AP1G1: variants seen among roughly 807,000 people sequenced by gnomAD.
AP1G1 encodes the protein adaptor related protein complex 1 subunit gamma 1, also known as AP-1 complex subunit gamma-1.
AP1G1 carries 7 observed loss-of-function variants against 108.3 expected under a neutral mutation model. The observed-to-expected ratio is 0.06, with a 90% CI of 0.04 to 0.12. AP1G1 has a LOEUF of 0.12. AP1G1 is among the 10% of genes least tolerant of loss of function. The probability of loss-of-function intolerance (pLI) is 1.00; values close to 1 mark genes in which losing one functional copy is unlikely to be tolerated. For synonymous variants in AP1G1, 379 were observed against 353.5 expected, an observed-to-expected ratio of 1.07 and a Z score of -0.81; for missense variants, 756 against 1,010.7, an observed-to-expected ratio of 0.75 and a Z score of 3.42.
At chr16:71,784,006 A>T (rs1383938861) in intron 2 of AP1G1, among the ~76,000 whole-genome samples, 1 of 152,186 alleles carries the variant, frequency 6.6e-6, no homozygotes, top group Non-Finnish European at 1.5e-5. Context: ...GGTTACACAC[A>T]CTACAGGAAA....
At chr16:71,764,944 C>T (rs930339772) in intron 7 of AP1G1, among the ~76,000 whole-genome samples, 5 of 152,150 alleles carry the variant, frequency 3.3e-5, no homozygotes, top group African/African-American at 1.2e-4. Flanking sequence ...TATTATAAAA[C>T]AACCCACACT....
intron 19 of AP1G1, among the ~76,000 whole-genome samples, chr16:71,744,840 T>C (rs2030088622): frequency 6.6e-6 from 1 of 152,156 alleles, no homozygotes; most frequent in Non-Finnish European, 1.5e-5. Context: ...CCTCCCAAAG[T>C]GCTGGGATTA....
intron 1 of AP1G1, among the ~76,000 whole-genome samples, chr16:71,801,654 G>A (rs372702896): frequency 2.6e-5 from 4 of 152,154 alleles, no homozygotes; most frequent in Admixed American, 6.5e-5. Flanking sequence ...GGCCGGGCGC[G>A]GTGGGTCACG....
intron 3 of AP1G1, 32 bp from the exon 4 acceptor site, chr16:71,773,394 C>G (rs2031648505): frequency 6.8e-7 from 1 of 1,470,312 alleles, no homozygotes; most frequent in Admixed American, 2.6e-5. Context: ...TAGGAACAAG[C>G]CTGGTGCTCC....
In AP1G1 at chr16:71,736,114, AAAAATATATATATATATATATAT is replaced by A. The variant is rs936397118; in HGVS notation, c.2269-1430_2269-1408del. Among the ~76,000 whole-genome samples the A allele has an allele frequency of 1.8e-4, 13 of 74,092 alleles. 1 individual carries two copies. Among genetic ancestry groups the A allele is most frequent in the Middle Eastern group, 8.5e-3 (1 of 118 alleles). 48.6% of individuals were successfully genotyped at this position (74,092 alleles called of 152,430 possible). A position where few individuals can be genotyped will look rare whatever the true frequency, so the allele number is the denominator to read the frequency against. On this transcript the variant is annotated intron_variant, in intron 21 of 22. Coordinates refer to ENST00000299980, the MANE Select transcript of AP1G1 (RefSeq NM_001128.6). ...ACTCCATCTCAAAAAAAAAAAAAAA[AAAAATATATATATATATATATAT>A]ATATATATATGGTCTTATTCATAAT...
intron 13 of AP1G1, among the ~76,000 whole-genome samples, chr16:71,752,773 T>A (rs1199945292): frequency 2.0e-5 from 3 of 152,152 alleles, no homozygotes; most frequent in Non-Finnish European, 4.4e-5. Context: ...ACTGCCTGTT[T>A]CTCTATTTTC....
At chr16:71,761,692 G>C in intron 9 of AP1G1, 125 bp from the exon 10 acceptor site, 1 of 712,274 alleles carries the variant, frequency 1.4e-6, no homozygotes, top group Non-Finnish European at 2.3e-6. Flanking sequence ...AAAAGGAGCT[G>C]GGTGCGGTGG....
At chr16:71,747,321 G>C (rs750754607) in intron 16 of AP1G1, 7 of 152,176 alleles carry the variant, frequency 4.6e-5, no homozygotes, top group Admixed American at 3.9e-4. Flanking sequence ...TTCCTATTAA[G>C]ACTTGTCAAA....
chr16:71,750,408 TG>T lies in AP1G1; in HGVS notation c.1285-77del, dbSNP rs577842312. 1.7e-3 allele frequency: 2,598 copies of T among 1,556,352 alleles called. 16 individuals are homozygous for T. Among genetic ancestry groups the T allele is most frequent in the Non-Finnish European group, 1.1e-3 (1,287 of 1,139,844 alleles). Reference sequence around the variant, plus strand: ...AACAAGTGTTAGCTATTATTATTACTGTGTGTTTTTTCCTTTCTTTTTTTGA... The same window carrying T: ...AACAAGTGTTAGCTATTATTATTACTTGTGTTTTTTCCTTTCTTTTTTTGA... On this transcript the variant is annotated intron_variant, in intron 13 of 22. Coordinates refer to ENST00000299980, the MANE Select transcript of AP1G1 (RefSeq NM_001128.6).
chr16:71,793,254 T>C (rs2032467691), intron 1 of AP1G1, among the ~76,000 whole-genome samples: 1 of 152,156 alleles, frequency 6.6e-6, no homozygotes, highest in East Asian at 1.9e-4. Flanking sequence ...GTAATGAAAC[T>C]ATACAGAACA....
intron 6 of AP1G1, among the ~76,000 whole-genome samples, chr16:71,767,716 T>C (rs1050678195): frequency 2.0e-5 from 3 of 152,174 alleles, no homozygotes; most frequent in Admixed American, 6.5e-5. Flanking sequence ...AAACAAAAAC[T>C]AGACTAGGAA....
intron 2 of AP1G1, among the ~76,000 whole-genome samples, chr16:71,787,422 T>C (rs1325754315): frequency 2.0e-5 from 3 of 151,744 alleles, no homozygotes; most frequent in Non-Finnish European, 2.9e-5. Context: ...GCCCAGTAGG[T>C]TGAGGTGACA....
chr16:71,777,530 G>C, intron 2 of AP1G1: 1 of 299,648 alleles, frequency 3.3e-6, no homozygotes, highest in Non-Finnish European at 7.0e-6. Flanking sequence ...GCGAAGAGTG[G>C]CTGGACTTGT....
rs746748251 is a variant in AP1G1, at chr16:71,745,592, G to A, written c.1753C>T (p.Pro585Ser). 1 of 1,614,026 alleles carries A rather than the reference G, an allele frequency of 6.2e-7. No individual in the cohort carries two copies. Among genetic ancestry groups the A allele is most frequent in the African/African-American group, 1.3e-5 (1 of 74,912 alleles). ...TTTGTGGTCACTTTTTCCATGACAG[G>A]CATTCTCTCAAGTAGGGCAGACCTA... ...HMRSALLERMPVMEKVTTNGP... is the reference protein window; with the variant it reads ...HMRSALLERMSVMEKVTTNGP... Residue 585 changes from proline (P) to serine (S), a missense_variant, in exon 18 of 23, where the codon CCT (proline) becomes TCT (serine). By Grantham distance (74) the Pro-to-Ser change is moderately conservative. Transcript: ENST00000299980.
chr16:71,765,385 A>T, intron 7 of AP1G1, 104 bp downstream of exon 7: 1 of 711,084 alleles, frequency 1.4e-6, no homozygotes. Context: ...TTAATCAATT[A>T]ACTACCAAAT....
At chr16:71,788,153 T>C (rs2032275848) in intron 2 of AP1G1, among the ~76,000 whole-genome samples, 1 of 152,186 alleles carries the variant, frequency 6.6e-6, no homozygotes, top group African/African-American at 2.4e-5. Context: ...TGTTTTAACT[T>C]GGGGGCAGGA....
chr16:71,767,638 G>A (rs2031370264), intron 6 of AP1G1, among the ~76,000 whole-genome samples: 1 of 152,120 alleles, frequency 6.6e-6, no homozygotes, highest in Admixed American at 6.6e-5. Flanking sequence ...AGAGAAGAAG[G>A]CTTACAACTC....
At position 71,784,787 on chromosome 16, in the gene AP1G1, G is replaced by T. The variant is rs113729036; in HGVS notation, c.201+4492C>A. On this transcript the variant is annotated intron_variant, in intron 2 of 22. Coordinates refer to ENST00000299980, the MANE Select transcript of AP1G1 (RefSeq NM_001128.6). ...TTGGCCAGGATGGTCTCAAACTCCT[G>T]ACTTCAGGTGATCCCCCTACCTTGG... 3.3e-3 allele frequency among the ~76,000 whole-genome samples: 501 copies of T among 151,702 alleles called. 6 individuals carry two copies. The highest frequency in any genetic ancestry group is 0.012 in the African/African-American group (478 of 41,304).
At chr16:71,765,405 A>C in intron 7 of AP1G1, 84 bp downstream of exon 7, 1 of 945,578 alleles carries the variant, frequency 1.1e-6, no homozygotes, top group Non-Finnish European at 1.6e-6. Context: ...TTTCTACTCA[A>C]CACAAACTTA....
Sources: gnomAD v4.1 joint callset for allele counts (sites outside exome capture counted in the v4.1 genomes callset) on GRCh38, gnomAD v4.1.1 for gene constraint, MANE v1.5 for transcripts, NCBI Gene and HGNC (gene_info 2026-07-23, HGNC 2026-07-21) for gene names.